Variants in ARHGEF11 observed in about 807,000 individuals in gnomAD.
ARHGEF11 encodes Rho guanine exchange factor (GEF) 11.
ARHGEF11 carries 55 observed loss-of-function variants against 193.7 expected under a neutral mutation model. The observed-to-expected ratio is 0.28, with a 90% CI of 0.23 to 0.36. The LOEUF is 0.36. ARHGEF11 is among the 10% of genes least tolerant of loss of function. The pLI is 1.00. For synonymous variants in ARHGEF11, 693 were observed against 768.0 expected (o/e 0.90, Z 1.62); for missense variants, 1,723 against 2,005.6 (o/e 0.86, Z 2.69).
intron 8 of ARHGEF11, 81 bp from the exon 9 acceptor site, chr1:156,970,124 T>C (rs538318161): frequency 1.6e-6 from 2 of 1,276,070 alleles, no homozygotes; most frequent in Admixed American, 1.9e-5. Flanking sequence ...CAGTGCCTTA[T>C]TTGCTTACAA....
chr1:157,002,017 A>C (rs961494270), intron 1 of ARHGEF11, among the ~76,000 whole-genome samples: 3 of 152,146 alleles, frequency 2.0e-5, no homozygotes, highest in African/African-American at 7.2e-5. Flanking sequence ...CCTAAGCAAA[A>C]AGTGTGGTTG....
At chr1:157,035,877 A>ATATGTATATATT (rs1671903991) in intron 1 of ARHGEF11, among the ~76,000 whole-genome samples, 1 of 136,702 alleles carries the variant, frequency 7.3e-6, no homozygotes, top group Non-Finnish European at 1.6e-5. Context: ...AGGAATATAT[A>ATATGTATATATT]TAGGAATATA....
At chr1:156,978,996 G>C (rs1663684262) in intron 5 of ARHGEF11, among the ~76,000 whole-genome samples, 1 of 152,292 alleles carries the variant, frequency 6.6e-6, no homozygotes, top group African/African-American at 2.4e-5. Flanking sequence ...GATGAGTGTG[G>C]GTAAAAATGA....
intron 1 of ARHGEF11, among the ~76,000 whole-genome samples, chr1:157,014,562 T>A (rs912965296): frequency 5.3e-5 from 8 of 152,106 alleles, no homozygotes; most frequent in Admixed American, 4.6e-4. Context: ...AACAATCCCC[T>A]CTAGCTATTA....
chr1:156,961,179 C>T (rs1331050642), intron 14 of ARHGEF11, among the ~76,000 whole-genome samples: 1 of 152,202 alleles, frequency 6.6e-6, no homozygotes, highest in Non-Finnish European at 1.5e-5. Flanking sequence ...CCTGACATAC[C>T]CCGGGAACTC....
chr1:156,939,396 T>C, intron 37 of ARHGEF11, 152 bp downstream of exon 37: 2 of 1,024,192 alleles, frequency 2.0e-6, no homozygotes, highest in Non-Finnish European at 2.9e-6. Context: ...GCCTGCCTGA[T>C]ATCGGCGTTG....
Position 156,945,066 on chromosome 1 carries a change from C to T in ARHGEF11, c.2944G>A (p.Ala982Thr). The change falls in exon 30 of 41, where the codon GCC becomes ACC. Residue 982 changes from alanine (A) to threonine (T), a missense_variant. Coordinates refer to ENST00000368194, the MANE Select transcript of ARHGEF11 (RefSeq NM_198236.3). ...RLEGYQKRLD[A>T]TALERASNPL... Reference sequence around the variant, plus strand: ...TTGCTGGCCCTCTCCAGGGCGGTGGCATCCAGGCGTTTCTGGTAGCCCTCT... The same window carrying T: ...TTGCTGGCCCTCTCCAGGGCGGTGGTATCCAGGCGTTTCTGGTAGCCCTCT... 6.2e-7 allele frequency: 1 copy of T among 1,614,190 alleles called. No homozygotes were observed. The highest frequency in any genetic ancestry group is 8.5e-7 in the Non-Finnish European group (1 of 1,180,018).
At chr1:157,008,815 ACTTCTCAGAG>A (rs1668210762) in intron 1 of ARHGEF11, among the ~76,000 whole-genome samples, 2 of 152,210 alleles carry the variant, frequency 1.3e-5, no homozygotes. Context: ...CCTTCATTCA[ACTTCTCAGAG>A]CTTCTTACTC....
intron 33 of ARHGEF11, 152 bp from the exon 34 acceptor site, chr1:156,942,141 T>A: frequency 9.2e-7 from 1 of 1,085,378 alleles, no homozygotes; most frequent in East Asian, 2.6e-5. Flanking sequence ...CCCTGGCTGC[T>A]CCCTTGCGGT....
chr1:156,957,446 G>A (rs893347060), intron 18 of ARHGEF11, among the ~76,000 whole-genome samples: 1 of 152,186 alleles, frequency 6.6e-6, no homozygotes, highest in African/African-American at 2.4e-5. Flanking sequence ...TACTACTTGA[G>A]GTAGTTTAAG....
intron 1 of ARHGEF11, among the ~76,000 whole-genome samples, 154 bp downstream of exon 1, chr1:157,044,145 T>C (rs367998419): frequency 2.4e-4 from 37 of 152,278 alleles, no homozygotes; most frequent in African/African-American, 7.2e-4. Context: ...CATAACCACA[T>C]AGGCTGACAG....
chr1:156,972,925 A>C (rs1018510745), intron 7 of ARHGEF11, among the ~76,000 whole-genome samples: 6 of 152,120 alleles, frequency 3.9e-5, no homozygotes, highest in Non-Finnish European at 8.8e-5. Context: ...CATCCTACAA[A>C]ATGTTCGAGT....
chr1:156,979,254 G>C lies in ARHGEF11; in HGVS notation c.306C>G (p.His102Gln). 1 of 1,613,940 alleles carries C rather than the reference G, an allele frequency of 6.2e-7. No homozygotes were observed. The highest frequency in any genetic ancestry group is 8.5e-7 in the Non-Finnish European group (1 of 1,179,954). ...ATTTGATCAGCTTTACCACTTCCAG[G>C]TGTGAGCTATTGGTCACCATGGTGC... is the stretch of plus-strand genomic sequence containing the variant. ...VNGTMVTNSSHLEVVKLIKSG... is the reference protein window; with the variant it reads ...VNGTMVTNSSQLEVVKLIKSG... Residue 102 changes from histidine (H) to glutamine (Q), a missense_variant, in exon 5 of 41, where the codon CAC (histidine) becomes CAG (glutamine). This residue lies in a region of ARHGEF11 where 646 missense variants were observed against 710.7 expected (regional missense o/e 0.91). Transcript: ENST00000368194.
rs150230785 is a variant in ARHGEF11, at chr1:156,936,044, G to A, written c.4645C>T (p.Leu1549=). The A allele has an allele frequency of 2.7e-4, 430 of 1,613,898 alleles. 1 individual carries two copies. In the African/African-American group the frequency reaches 4.8e-3, roughly 18 times the overall value. The change falls in exon 41 of 41, where the codon CTG becomes TTG. Residue 1549 remains leucine (L), a synonymous_variant. Coordinates refer to ENST00000368194, the MANE Select transcript of ARHGEF11 (RefSeq NM_198236.3). The stretch of plus-strand genomic sequence containing the variant: ...GCTGCGTCTGCTGTGCTGTCTTCCA[G>A]GGGGGCGTCAGAGCCTGTGGGAGGA... ...PCPEDGSDAP[L]EDSTADAAAS... is the part of the protein sequence containing the mutation.
chr1:156,938,521 G>A lies in ARHGEF11; in HGVS notation c.4097-8C>T, dbSNP rs752653474. 3.4e-5 allele frequency: 55 copies of A among 1,610,584 alleles called. No homozygotes were observed. Among genetic ancestry groups the A allele is most frequent in the Non-Finnish European group, 3.8e-5 (45 of 1,177,900 alleles). ...TGCTGCCTGCCACCTCAGCTGCACC[G>A]ACACCACCACCACCAGGAAGAGGAG... On this transcript the variant is annotated splice_polypyrimidine_tract_variant and splice_region_variant and intron_variant, in intron 37 of 40. Transcript: ENST00000368194.
intron 1 of ARHGEF11, among the ~76,000 whole-genome samples, chr1:157,036,052 TAG>T (rs1175093474): frequency 7.0e-6 from 1 of 143,548 alleles, no homozygotes; most frequent in Non-Finnish European, 1.5e-5. Context: ...TGAATCTATA[TAG>T]GAATATATAT....
At chr1:156,954,273 G>A (rs373118508) in intron 21 of ARHGEF11, among the ~76,000 whole-genome samples, 10 of 151,412 alleles carry the variant, frequency 6.6e-5, no homozygotes, top group East Asian at 5.9e-4. Context: ...CTAGCTACTC[G>A]GGAGGCTGAG....
In ARHGEF11 at chr1:157,015,957, T is replaced by C. The variant is rs568701327; in HGVS notation, c.32+28342A>G. On this transcript the variant is annotated intron_variant, in intron 1 of 40. Coordinates refer to ENST00000368194, the MANE Select transcript of ARHGEF11 (RefSeq NM_198236.3). Reference sequence around the variant, plus strand: ...GAGATACCTTTTCACAATATGGGGATTGGAAGAGTGATGTGATGACTACTG... The same window carrying C: ...GAGATACCTTTTCACAATATGGGGACTGGAAGAGTGATGTGATGACTACTG... 3.1e-4 allele frequency among the ~76,000 whole-genome samples: 47 copies of C among 152,286 alleles called. No homozygotes were observed. In the South Asian group the frequency reaches 8.1e-3, roughly 26 times the overall value.
intron 1 of ARHGEF11, among the ~76,000 whole-genome samples, chr1:157,018,471 G>A (rs1017270806): frequency 4.6e-5 from 7 of 151,954 alleles, no homozygotes; most frequent in East Asian, 1.9e-4. Flanking sequence ...GTGAAACCCC[G>A]TCTCTACTAA....
Sources: allele counts gnomAD v4.1 joint callset (sites outside exome capture counted in the v4.1 genomes callset), GRCh38; gene constraint gnomAD v4.1.1; regional missense constraint gnomAD v4.1.1; transcripts MANE v1.5; gene names NCBI Gene and HGNC (gene_info 2026-07-23, HGNC 2026-07-21).